The following PDE8B variants were observed in gnomAD, a reference collection of about 807,000 sequenced individuals.
The protein encoded by PDE8B is high affinity cAMP-specific and IBMX-insensitive 3',5'-cyclic phosphodiesterase 8B.
Under a neutral mutation model 101.3 loss-of-function variants are expected in PDE8B, and 26 were observed. That is an observed-to-expected ratio of 0.26 (90% CI 0.19 to 0.36). PDE8B has a LOEUF of 0.36. Ranked by LOEUF, PDE8B falls within the 10% of genes least tolerant of loss-of-function variation. The pLI is 1.00. For missense variants in PDE8B, 810 were observed against 1,163.1 expected (o/e 0.70, Z 4.42); for synonymous variants, 424 against 429.3 (o/e 0.99, Z 0.15).
chr5:77,361,314 G>T (rs1783051486), intron 10 of PDE8B, among the ~76,000 whole-genome samples: 1 of 152,086 alleles, frequency 6.6e-6, no homozygotes, highest in South Asian at 2.1e-4. Flanking sequence ...TTAAAAAAAT[G>T]ATGAAGAAAA....
At chr5:77,123,804 G>C in the PDE8B span, among the ~76,000 whole-genome samples, 8 of 152,130 alleles carry the variant, frequency 5.3e-5, no homozygotes, top group African/African-American at 1.9e-4. Context: ...AATCCCATAG[G>C]ACTGGACAAG....
At chr5:77,126,782 C>T in the PDE8B span, among the ~76,000 whole-genome samples, 2 of 152,138 alleles carry the variant, frequency 1.3e-5, no homozygotes, top group Admixed American at 6.5e-5. Context: ...TCTATGAATT[C>T]CTGATGAAAA....
chr5:77,331,417 A>C lies in PDE8B; in HGVS notation c.666A>C (p.Glu222Asp). Residue 222 changes from glutamate to aspartate, a missense_variant, in exon 5 of 22, where the codon GAA becomes GAC. Physicochemically the swap from Glu to Asp is conservative, Grantham distance 45. Coordinates refer to ENST00000264917, the MANE Select transcript of PDE8B (RefSeq NM_003719.5). ...TTTGCTGCAGATCGGATGACCATGA[A>C]GAGGCGTCAGTCCTTCCTCTTCTCC... Reference protein sequence around the residue: ...AVVSRVSDDHEEASVLPLLHA... With the variant: ...AVVSRVSDDHDEASVLPLLHA... The C allele has an allele frequency of 6.2e-7, 1 of 1,613,908 alleles. No homozygotes were observed.
At chr5:77,303,684 A>C (rs1770505514) in intron 1 of PDE8B, among the ~76,000 whole-genome samples, 1 of 152,206 alleles carries the variant, frequency 6.6e-6, no homozygotes, top group South Asian at 2.1e-4. Context: ...CACTTGCCTC[A>C]ATTGGGAGTT....
chr5:77,176,886 G>C, the PDE8B span, among the ~76,000 whole-genome samples: 1 of 152,188 alleles, frequency 6.6e-6, no homozygotes, highest in East Asian at 1.9e-4. Flanking sequence ...GGGAGCATGA[G>C]AGCAGAGCTT....
At chr5:77,118,591 T>G in the PDE8B span, 1 of 390,984 alleles carries the variant, frequency 2.6e-6, no homozygotes, top group Non-Finnish European at 4.5e-6. Flanking sequence ...CCTTTATGTT[T>G]GAACTTGGTG....
chr5:77,199,721 G>A, the PDE8B span, among the ~76,000 whole-genome samples: 1 of 152,000 alleles, frequency 6.6e-6, no homozygotes, highest in African/African-American at 2.4e-5. Context: ...TCAGGTTAGT[G>A]GTAAACAGAA....
At chr5:77,182,959 C>T in the PDE8B span, among the ~76,000 whole-genome samples, 1 of 151,622 alleles carries the variant, frequency 6.6e-6, no homozygotes, top group South Asian at 2.1e-4. Context: ...TAAAAAGCCA[C>T]AAAGAACCTT....
chr5:77,094,869 C>A, the PDE8B span, among the ~76,000 whole-genome samples: 1 of 152,082 alleles, frequency 6.6e-6, no homozygotes, highest in Non-Finnish European at 1.5e-5. Context: ...ACTCATACCC[C>A]CCAGGTAGGG....
At chr5:77,309,943 C>CTTTTT (rs955296324) in intron 1 of PDE8B, among the ~76,000 whole-genome samples, 29 of 114,146 alleles carry the variant, frequency 2.5e-4, no homozygotes, top group African/African-American at 5.9e-4. Context: ...AATCATTAAT[C>CTTTTT]TTTTTTTTTT....
At chr5:77,253,901 A>G (rs1240587548) in intron 1 of PDE8B, among the ~76,000 whole-genome samples, 1 of 151,730 alleles carries the variant, frequency 6.6e-6, no homozygotes, top group Non-Finnish European at 1.5e-5. Flanking sequence ...TGAGTATTCT[A>G]TATTTTATTT....
chr5:77,176,740 G>A, the PDE8B span, among the ~76,000 whole-genome samples: 2 of 152,226 alleles, frequency 1.3e-5, no homozygotes, highest in Admixed American at 6.5e-5. Flanking sequence ...GATGGCCATG[G>A]TTTGAATTTG....
At chr5:77,272,986 G>A (rs72766942) in intron 1 of PDE8B, among the ~76,000 whole-genome samples, 4,636 of 152,264 alleles carry the variant, frequency 0.03, 88 homozygotes, top group African/African-American at 0.04. Context: ...TTGCTACGAC[G>A]TCAGTTACAA....
intron 5 of PDE8B, among the ~76,000 whole-genome samples, chr5:77,335,576 G>A (rs1047647750): frequency 6.8e-6 from 1 of 146,726 alleles, no homozygotes; most frequent in African/African-American, 2.5e-5. Context: ...AGAGAGAGAG[G>A]AAGGAGTGAG....
chr5:77,408,818 A>C (rs1199062208), intron 13 of PDE8B, 75 bp from the exon 14 acceptor site: 2 of 1,191,584 alleles, frequency 1.7e-6, no homozygotes, highest in Non-Finnish European at 2.5e-6. Context: ...TTTCTTTTGG[A>C]TTCTGGGCAT....
chr5:77,349,996 T>C (rs548671209), intron 8 of PDE8B, among the ~76,000 whole-genome samples: 9 of 152,274 alleles, frequency 5.9e-5, no homozygotes, highest in African/African-American at 1.9e-4. Flanking sequence ...CATACATTTG[T>C]AGCTTCCTCC....
At position 77,351,104 on chromosome 5, in the gene PDE8B, G is replaced by C; in HGVS notation, c.1057G>C (p.Asp353His). 1 of 1,614,138 alleles carries C rather than the reference G, an allele frequency of 6.2e-7. No individual in the cohort carries two copies. The highest frequency in any genetic ancestry group is 8.5e-7 in the Non-Finnish European group (1 of 1,179,994). ...TTACTATGCCAGACGGAAATCCGGGGACAGCATCCAACAGCACGTGAAGAT... is the reference window on the plus strand; with the variant it reads ...TTACTATGCCAGACGGAAATCCGGGCACAGCATCCAACAGCACGTGAAGAT... ...GVYYARRKSG[D>H]SIQQHVKITP... The change falls in exon 9 of 22, where the codon GAC (aspartate) becomes CAC (histidine). Residue 353 changes from aspartate (D) to histidine (H), a missense_variant. Asp to His is a moderately conservative substitution (Grantham distance 81). Transcript: ENST00000264917.
At chr5:77,422,970 T>TA (rs1412297815) in intron 20 of PDE8B, among the ~76,000 whole-genome samples, 1 of 152,208 alleles carries the variant, frequency 6.6e-6, no homozygotes, top group Non-Finnish European at 1.5e-5. Flanking sequence ...ATGGCTCAAG[T>TA]AGTAAACATA....
At chr5:77,103,845 A>G in the PDE8B span, among the ~76,000 whole-genome samples, 1 of 152,170 alleles carries the variant, frequency 6.6e-6, no homozygotes, top group Non-Finnish European at 1.5e-5. Context: ...TTTCCTCTGT[A>G]AGCTGGCATA....
Sources: gnomAD v4.1 joint callset for allele counts (sites outside exome capture counted in the v4.1 genomes callset) on GRCh38, gnomAD v4.1.1 for gene constraint, MANE v1.5 for transcripts, NCBI Gene and HGNC (gene_info 2026-07-23, HGNC 2026-07-21) for gene names.